The following ERH variants were observed in gnomAD, a reference collection of about 807,000 sequenced individuals.
The protein encoded by ERH is ERH mRNA splicing and mitosis factor.
A neutral mutation model predicts 16.8 loss-of-function variants in ERH; 1 was observed. That is an observed-to-expected ratio of 0.06 (90% confidence interval 0.02 to 0.28). The LOEUF (loss-of-function observed/expected upper bound fraction) is 0.28. ERH is among the 10% of genes least tolerant of loss of function. The pLI is 1.00. For missense variants in ERH, 42 were observed against 127.5 expected, an observed-to-expected ratio of 0.33 and a Z score of 3.23; for synonymous variants, 43 against 43.6, an observed-to-expected ratio of 0.99 and a Z score of 0.05.
At chr14:69,386,866 T>A in intron 3 of ERH, 97 bp downstream of exon 3, 2 of 1,119,990 alleles carry the variant, frequency 1.8e-6, no homozygotes, top group Non-Finnish European at 2.6e-6. Flanking sequence ...AAGATCAGTA[T>A]CAGGCACATA....
intron 1 of ERH, among the ~76,000 whole-genome samples, chr14:69,396,191 C>T (rs998076193): frequency 6.6e-6 from 1 of 152,252 alleles, no homozygotes; most frequent in African/African-American, 2.4e-5. Flanking sequence ...TTCTCTTCTG[C>T]TGTACTAGTA....
chr14:69,390,947 C>T (rs569410167), intron 2 of ERH, among the ~76,000 whole-genome samples: 1 of 151,240 alleles, frequency 6.6e-6, no homozygotes, highest in African/African-American at 2.5e-5. Flanking sequence ...CAATAAGATA[C>T]CTTAGAATGG....
chr14:69,388,133 C>T (rs923060208), intron 2 of ERH, among the ~76,000 whole-genome samples: 5 of 152,188 alleles, frequency 3.3e-5, no homozygotes, highest in African/African-American at 7.2e-5. Context: ...GGACAAACGA[C>T]GCCATTCCCT....
chr14:69,394,757 A>AT, intron 2 of ERH, 68 bp downstream of exon 2: 1 of 1,155,354 alleles, frequency 8.7e-7, no homozygotes, highest in East Asian at 2.4e-5. Context: ...AAAAAAAAAA[A>AT]TTTGGAGGGG....
At chr14:69,390,679 T>A (rs997904909) in intron 2 of ERH, among the ~76,000 whole-genome samples, 1 of 152,154 alleles carries the variant, frequency 6.6e-6, no homozygotes, top group Non-Finnish European at 1.5e-5. Context: ...TTAAAGTTTA[T>A]AAAAATAAAA....
intron 1 of ERH, among the ~76,000 whole-genome samples, chr14:69,396,148 T>A (rs986446818): frequency 6.6e-6 from 1 of 152,224 alleles, no homozygotes; most frequent in African/African-American, 2.4e-5. Context: ...CCACTGTAAA[T>A]CCAGTCCCAA....
chr14:69,380,742 T>C (rs1374356304), intron 3 of ERH, 102 bp from the exon 4 acceptor site: 4 of 632,446 alleles, frequency 6.3e-6, no homozygotes, highest in Non-Finnish European at 1.1e-5. Flanking sequence ...GATGTGCACA[T>C]TTCCAAAAAT....
At chr14:69,392,734 T>C (rs949622838) in intron 2 of ERH, among the ~76,000 whole-genome samples, 3 of 152,184 alleles carry the variant, frequency 2.0e-5, no homozygotes, top group African/African-American at 7.2e-5. Flanking sequence ...CTGTTACAAA[T>C]GCACCACACC....
At chr14:69,392,947 A>G (rs1212696605) in intron 2 of ERH, among the ~76,000 whole-genome samples, 2 of 152,192 alleles carry the variant, frequency 1.3e-5, no homozygotes, top group Admixed American at 6.5e-5. Context: ...ATCTACATCA[A>G]TAGCAGGCAG....
chr14:69,391,642 T>G (rs1212048579), intron 2 of ERH, among the ~76,000 whole-genome samples: 1 of 123,092 alleles, frequency 8.1e-6, no homozygotes, highest in Non-Finnish European at 1.6e-5. Context: ...AGTAAGACTC[T>G]GTCTCGCACG....
Position 69,394,149 on chromosome 14 carries a change from T to C in ERH, c.91+676A>G, listed in dbSNP as rs116660075. ...CAGACAGACACACAAGCCTATAGTG[T>C]TTGAGCTTAACCAGAATATATAAGG... On this transcript the variant is annotated intron_variant, in intron 2 of 3. Coordinates refer to ENST00000557016, the MANE Select transcript of ERH (RefSeq NM_004450.3). Among the ~76,000 whole-genome samples, 477 of 152,230 alleles carry C rather than the reference T, an allele frequency of 3.1e-3. 4 individuals are homozygous for C. Among genetic ancestry groups the C allele is most frequent in the African/African-American group, 0.011 (463 of 41,536 alleles).
At chr14:69,383,428 C>T (rs2045874302) in intron 3 of ERH, among the ~76,000 whole-genome samples, 1 of 152,244 alleles carries the variant, frequency 6.6e-6, no homozygotes, top group African/African-American at 2.4e-5. Context: ...AGTCTCTGGT[C>T]TGAGGAGTAA....
At chr14:69,393,770 C>T (rs971187020) in intron 2 of ERH, among the ~76,000 whole-genome samples, 13 of 152,078 alleles carry the variant, frequency 8.5e-5, no homozygotes, top group African/African-American at 3.1e-4. Flanking sequence ...GCTTGTAATC[C>T]CAGAACTTTG....
chr14:69,383,210 C>T (rs1025479966), intron 3 of ERH, among the ~76,000 whole-genome samples: 1 of 152,116 alleles, frequency 6.6e-6, no homozygotes, highest in South Asian at 2.1e-4. Flanking sequence ...TTTAAGTATA[C>T]GAAATACAAA....
intron 2 of ERH, among the ~76,000 whole-genome samples, chr14:69,392,975 T>C (rs1882251183): frequency 6.6e-6 from 1 of 152,100 alleles, no homozygotes; most frequent in Non-Finnish European, 1.5e-5. Flanking sequence ...AGCAGAGAAA[T>C]GGATCTGTAA....
intron 2 of ERH, among the ~76,000 whole-genome samples, chr14:69,391,898 C>A (rs1882222534): frequency 6.6e-6 from 1 of 152,008 alleles, no homozygotes; most frequent in African/African-American, 2.4e-5. Flanking sequence ...TTATACATGT[C>A]AAAACCCACA....
chr14:69,393,051 T>C (rs867673532), intron 2 of ERH, among the ~76,000 whole-genome samples: 6 of 152,218 alleles, frequency 3.9e-5, no homozygotes, highest in Admixed American at 6.5e-5. Flanking sequence ...GAGTGGTGGC[T>C]CACGCCTGTA....
At chr14:69,392,599 T>A (rs1882244074) in intron 2 of ERH, among the ~76,000 whole-genome samples, 2 of 152,212 alleles carry the variant, frequency 1.3e-5, no homozygotes, top group South Asian at 4.1e-4. Context: ...GATGCTGTAA[T>A]GGCGGACACA....
At position 69,380,522 on chromosome 14, in the gene ERH, A is replaced by G; in HGVS notation, c.*16T>C. On this transcript the variant is annotated 3_prime_UTR_variant, in exon 4 of 4. Transcript: ENST00000557016. ...GTTCCAAGCCCACCCCAACCCCCCC[A>G]GTGCTTCCAACACAATTATTTCCCA... is the stretch of plus-strand genomic sequence containing the variant. 12 of 720,704 alleles carry G rather than the reference A, an allele frequency of 1.7e-5. No individual in the cohort carries two copies. Among genetic ancestry groups the G allele is most frequent in the Non-Finnish European group, 2.4e-5 (10 of 424,902 alleles). The allele number at this position is 720,704 out of a possible 1,614,324, so 44.6% of individuals were successfully genotyped here. A position where few individuals can be genotyped will look rare whatever the true frequency, so the allele number is the denominator to read the frequency against.
Sources: gnomAD v4.1 joint callset for allele counts (sites outside exome capture counted in the v4.1 genomes callset) on GRCh38, gnomAD v4.1.1 for gene constraint, MANE v1.5 for transcripts, NCBI Gene and HGNC (gene_info 2026-07-23, HGNC 2026-07-21) for gene names.